Variants in PDE4D observed in about 807,000 individuals in gnomAD.
PDE4D encodes phosphodiesterase 4D.
Under a neutral mutation model 87.4 loss-of-function variants are expected in PDE4D, and 24 were observed. That is an observed-to-expected ratio of 0.27 (90% CI 0.20 to 0.39). PDE4D has a LOEUF of 0.39. PDE4D is among the 10% of genes least tolerant of loss of function. The pLI is 1.00. For synonymous variants in PDE4D, 384 were observed against 383.2 expected (o/e 1.00, Z -0.02); for missense variants, 714 against 1,041.0 (o/e 0.69, Z 4.32).
In PDE4D at chr5:58,988,611, T is replaced by C. The variant is rs1443057235; in HGVS notation, c.1453-19A>G. On this transcript the variant is annotated intron_variant, in intron 10 of 14. Coordinates refer to ENST00000340635, the MANE Select transcript of PDE4D (RefSeq NM_001104631.2). ...ACACAGCCTGGAAAATCAGACAATA[T>C]AGATAATATTACTATTCTACAATGA... is the stretch of plus-strand genomic sequence containing the variant. 8.9e-6 allele frequency: 10 copies of C among 1,128,692 alleles called. No individual in the cohort carries two copies. In the East Asian group the frequency reaches 1.8e-4, roughly 21 times the overall value. The allele number at this position is 1,128,692 out of a possible 1,614,324, so 69.9% of individuals were successfully genotyped here.
At chr5:59,880,624 A>AT (rs1326245553) in intron 1 of PDE4D, among the ~76,000 whole-genome samples, 1 of 152,192 alleles carries the variant, frequency 6.6e-6, no homozygotes, top group African/African-American at 2.4e-5. Context: ...AAAAGAAAGC[A>AT]TTTTTGATAT....
At chr5:59,413,327 G>C (rs1793018262) in intron 1 of PDE4D, among the ~76,000 whole-genome samples, 1 of 151,774 alleles carries the variant, frequency 6.6e-6, no homozygotes, top group Admixed American at 6.6e-5. Context: ...GCGTAGTGGT[G>C]GGGGCCTGTA....
At chr5:59,408,196 C>T (rs1189252884) in intron 1 of PDE4D, among the ~76,000 whole-genome samples, 1 of 152,208 alleles carries the variant, frequency 6.6e-6, no homozygotes, top group Non-Finnish European at 1.5e-5. Context: ...GGCACCACTA[C>T]ACTGTCTACC....
intron 2 of PDE4D, among the ~76,000 whole-genome samples, chr5:59,202,179 A>C (rs891721146): frequency 6.6e-6 from 1 of 151,536 alleles, no homozygotes; most frequent in Middle Eastern, 3.4e-3. Context: ...AGCTGGGACT[A>C]CAGGCGCCTG....
intron 3 of PDE4D, among the ~76,000 whole-genome samples, chr5:59,190,216 A>G (rs1744009221): frequency 6.6e-6 from 1 of 152,198 alleles, no homozygotes; most frequent in Non-Finnish European, 1.5e-5. Context: ...GGGGAAGGCC[A>G]TTTTTAGGAG....
intron 1 of PDE4D, among the ~76,000 whole-genome samples, chr5:59,268,405 C>T (rs563484950): frequency 5.3e-5 from 8 of 152,184 alleles, no homozygotes; most frequent in Non-Finnish European, 8.8e-5. Context: ...ATCACTGGCA[C>T]GGGCTCTCAT....
rs1743430354 is a variant in PDE4D, at chr5:60,424,259, T to C, written c.-90+63683A>G. On this transcript the variant is annotated intron_variant, in intron 1 of 16. Transcript: ENST00000502484. ...GAGAATTTTAGACCATTATCCCTGATGAACATCGATGAGAAAATCCTCAAT... is the reference window on the plus strand; with the variant it reads ...GAGAATTTTAGACCATTATCCCTGACGAACATCGATGAGAAAATCCTCAAT... 2.0e-5 allele frequency among the ~76,000 whole-genome samples: 3 copies of C among 152,302 alleles called. No homozygotes were observed. The South Asian group carries it at 6.2e-4, about 32-fold the overall frequency.
chr5:59,302,275 A>G (rs1374143692), intron 1 of PDE4D, among the ~76,000 whole-genome samples: 2 of 152,162 alleles, frequency 1.3e-5, no homozygotes, highest in Non-Finnish European at 2.9e-5. Flanking sequence ...CCTTGAACCA[A>G]TGATCAAGCG....
At chr5:60,203,318 A>G (rs1222156582) in intron 1 of PDE4D, among the ~76,000 whole-genome samples, 1 of 152,314 alleles carries the variant, frequency 6.6e-6, no homozygotes, top group African/African-American at 2.4e-5. Context: ...CTAAATTAGT[A>G]TCGCTATAAA....
chr5:60,019,459 G>C (rs1765831008), intron 2 of PDE4D, among the ~76,000 whole-genome samples: 2 of 152,154 alleles, frequency 1.3e-5, no homozygotes, highest in South Asian at 4.1e-4. Flanking sequence ...CCAATGTAAG[G>C]CTGTTTCCTC....
intron 1 of PDE4D, among the ~76,000 whole-genome samples, chr5:60,268,575 G>A (rs1262016131): frequency 6.6e-6 from 1 of 152,212 alleles, no homozygotes; most frequent in Admixed American, 6.5e-5. Flanking sequence ...CAAGGCAAAA[G>A]CTTAAAGTAC....
intron 1 of PDE4D, among the ~76,000 whole-genome samples, chr5:59,582,538 C>T (rs1227494922): frequency 2.6e-5 from 4 of 152,124 alleles, no homozygotes; most frequent in African/African-American, 9.7e-5. Flanking sequence ...ATTATGAACA[C>T]ATATATGAAT....
chr5:59,798,628 A>T (rs1447543985), intron 1 of PDE4D, among the ~76,000 whole-genome samples: 1 of 152,248 alleles, frequency 6.6e-6, no homozygotes, highest in African/African-American at 2.4e-5. Flanking sequence ...AACACCTTCC[A>T]TATAGAAATC....
At chr5:60,156,992 T>A (rs550175765) in intron 2 of PDE4D, among the ~76,000 whole-genome samples, 2 of 152,266 alleles carry the variant, frequency 1.3e-5, no homozygotes, top group Admixed American at 1.3e-4. Context: ...GCAAAAGATA[T>A]TTTTTAATTA....
intron 2 of PDE4D, among the ~76,000 whole-genome samples, chr5:60,006,742 C>T (rs138033656): frequency 3.9e-5 from 6 of 152,016 alleles, no homozygotes; most frequent in African/African-American, 1.4e-4. Context: ...CTAATCCAAC[C>T]ATTAAGTATC....
At chr5:59,188,645 G>A (rs1036364697) in intron 3 of PDE4D, among the ~76,000 whole-genome samples, 1 of 152,286 alleles carries the variant, frequency 6.6e-6, no homozygotes, top group Middle Eastern at 3.4e-3. Context: ...CAGACCATGA[G>A]GTTGAGGTGC....
intron 1 of PDE4D, among the ~76,000 whole-genome samples, chr5:59,784,069 AT>A (rs1235183290): frequency 6.6e-6 from 1 of 152,148 alleles, no homozygotes; most frequent in African/African-American, 2.4e-5. Context: ...AAATAAAAAA[AT>A]AAAAATAAAA....
chr5:59,280,296 G>A (rs1453302329), intron 1 of PDE4D, among the ~76,000 whole-genome samples: 3 of 152,042 alleles, frequency 2.0e-5, no homozygotes, highest in Non-Finnish European at 2.9e-5. Context: ...CTCTGGTAAC[G>A]TATAAATTTC....
intron 6 of PDE4D, among the ~76,000 whole-genome samples, chr5:59,036,194 C>A (rs1758465725): frequency 6.6e-6 from 1 of 152,184 alleles, no homozygotes; most frequent in Admixed American, 6.5e-5. Context: ...AAATCCATCT[C>A]CATAATAAGT....
Sources: gnomAD v4.1 joint callset for allele counts (sites outside exome capture counted in the v4.1 genomes callset) on GRCh38, gnomAD v4.1.1 for gene constraint, MANE v1.5 for transcripts, NCBI Gene and HGNC (gene_info 2026-07-23, HGNC 2026-07-21) for gene names.